The following VPS13A variants were observed in gnomAD, a reference collection of about 807,000 sequenced individuals.
VPS13A encodes vacuolar protein sorting 13 homolog A.
In VPS13A, 264 loss-of-function variants were observed where a neutral mutation model predicts 390.9. The ratio of observed to expected loss-of-function variants is 0.68; its 90% CI spans 0.61 to 0.75. The LOEUF is 0.75. Ranked by LOEUF, VPS13A falls within the 30% of genes least tolerant of loss-of-function variation. VPS13A has a pLI of 0.00. For missense variants in VPS13A, 3,409 were observed against 3,733.9 expected, an observed-to-expected ratio of 0.91 and a Z score of 2.27; for synonymous variants, 1,231 against 1,227.1, an observed-to-expected ratio of 1.00 and a Z score of -0.07.
intron 71 of VPS13A, among the ~76,000 whole-genome samples, chr9:77,412,688 C>G (rs922197243): frequency 6.6e-5 from 10 of 152,078 alleles, no homozygotes; most frequent in Non-Finnish European, 1.2e-4. Flanking sequence ...AAAACTGGCA[C>G]AAGACAGGGA....
intron 27 of VPS13A, among the ~76,000 whole-genome samples, chr9:77,280,922 A>G (rs889256734): frequency 6.6e-6 from 1 of 152,190 alleles, no homozygotes; most frequent in Admixed American, 6.5e-5. Flanking sequence ...AATGTGGTAT[A>G]TATACAAAAT....
intron 31 of VPS13A, among the ~76,000 whole-genome samples, chr9:77,285,608 C>G (rs572576397): frequency 6.6e-6 from 1 of 152,002 alleles, no homozygotes; most frequent in East Asian, 1.9e-4. Context: ...ACTTTTCTGG[C>G]CTTGTTATTA....
chr9:77,403,217 T>C lies in VPS13A; in HGVS notation c.9190-19T>C, dbSNP rs775142618. ...AAATACTATCAATTTTCTCATTGTC[T>C]CTCACTTTTTTCTTTTAGGTCATGG... is the stretch of plus-strand genomic sequence containing the variant. On this transcript the variant is annotated intron_variant, in intron 68 of 71. Transcript: ENST00000360280. 6.3e-7 allele frequency: 1 copy of C among 1,575,642 alleles called. No individual in the cohort carries two copies. The highest frequency in any genetic ancestry group is 8.7e-7 in the Non-Finnish European group (1 of 1,147,142).
intron 32 of VPS13A, among the ~76,000 whole-genome samples, chr9:77,294,176 C>G (rs1021296676): frequency 6.6e-6 from 1 of 152,124 alleles, no homozygotes. Context: ...CTGCTTTGGC[C>G]TCCCAAAGCG....
chr9:77,205,868 G>T (rs1825610703), intron 4 of VPS13A, 110 bp from the exon 5 acceptor site: 1 of 789,630 alleles, frequency 1.3e-6, no homozygotes, highest in Non-Finnish European at 2.0e-6. Context: ...GGGATTACAG[G>T]CATGAGCCAC....
chr9:77,203,966 G>A (rs913412734), intron 3 of VPS13A, among the ~76,000 whole-genome samples: 3 of 152,136 alleles, frequency 2.0e-5, no homozygotes, highest in Admixed American at 1.3e-4. Context: ...GAGGCAAGAG[G>A]ATTGCTTGAG....
intron 50 of VPS13A, among the ~76,000 whole-genome samples, chr9:77,341,084 T>A (rs1463496830): frequency 6.6e-6 from 1 of 152,162 alleles, no homozygotes; most frequent in Non-Finnish European, 1.5e-5. Flanking sequence ...GTTTTTGCTG[T>A]TTCTATTCAT....
intron 68 of VPS13A, among the ~76,000 whole-genome samples, chr9:77,397,866 T>C (rs1834183103): frequency 6.6e-6 from 1 of 152,164 alleles, no homozygotes; most frequent in Non-Finnish European, 1.5e-5. Flanking sequence ...TAAACTATGA[T>C]AGGTAATTTA....
chr9:77,407,352 A>G (rs922939691), intron 70 of VPS13A, among the ~76,000 whole-genome samples, 181 bp from the exon 71 acceptor site: 1 of 152,182 alleles, frequency 6.6e-6, no homozygotes, highest in Non-Finnish European at 1.5e-5. Flanking sequence ...TATTAATAGA[A>G]TGTAGTCTTT....
intron 5 of VPS13A, among the ~76,000 whole-genome samples, chr9:77,207,409 A>T (rs1825744433): frequency 6.7e-6 from 1 of 150,214 alleles, no homozygotes; most frequent in Non-Finnish European, 1.5e-5. Context: ...TATATTACAC[A>T]CACATCCTTT....
chr9:77,394,437 C>T (rs546377110), intron 68 of VPS13A, among the ~76,000 whole-genome samples: 1 of 152,216 alleles, frequency 6.6e-6, no homozygotes, highest in Admixed American at 6.5e-5. Flanking sequence ...GGCATGGCGG[C>T]AGCCACCTGT....
At chr9:77,296,616 A>G (rs561086931) in intron 33 of VPS13A, among the ~76,000 whole-genome samples, 1 of 152,196 alleles carries the variant, frequency 6.6e-6, no homozygotes, top group African/African-American at 2.4e-5. Flanking sequence ...GATCAATTGT[A>G]TATTTTTAAA....
intron 22 of VPS13A, among the ~76,000 whole-genome samples, chr9:77,255,175 T>C (rs926054043): frequency 2.6e-5 from 4 of 152,188 alleles, no homozygotes; most frequent in Admixed American, 6.5e-5. Flanking sequence ...CTTCTGTTCC[T>C]AGTTTGCTAA....
chr9:77,351,262 T>TA lies in VPS13A; in HGVS notation c.7290-53dup, dbSNP rs1831448988. ...ATGAAGTATTATTTTAGTTTTTTTT[T>TA]AATCTCTTCGTGTACTTGCATTTAA... On this transcript the variant is annotated intron_variant, in intron 52 of 71. Coordinates refer to ENST00000360280, the MANE Select transcript of VPS13A (RefSeq NM_033305.3). 1.9e-6 allele frequency: 3 copies of TA among 1,600,876 alleles called. No individual in the cohort carries two copies. In the East Asian group the frequency reaches 6.8e-5, roughly 36 times the overall value.
At chr9:77,224,498 G>T (rs894133371) in intron 13 of VPS13A, among the ~76,000 whole-genome samples, 2 of 152,132 alleles carry the variant, frequency 1.3e-5, no homozygotes, top group Admixed American at 6.6e-5. Context: ...AACCCTCATG[G>T]AAGACCTTGA....
chr9:77,272,996 A>G (rs983264145), intron 23 of VPS13A, among the ~76,000 whole-genome samples: 8 of 152,214 alleles, frequency 5.3e-5, no homozygotes, highest in African/African-American at 1.7e-4. Flanking sequence ...ATTTAATACT[A>G]TGTTGACTTA....
chr9:77,215,528 CAG>C (rs1326863387), intron 10 of VPS13A, among the ~76,000 whole-genome samples: 1 of 152,092 alleles, frequency 6.6e-6, no homozygotes, highest in Non-Finnish European at 1.5e-5. Flanking sequence ...TTTGTTGTAT[CAG>C]AGTTCAGTGA....
chr9:77,291,595 G>A (rs1827667611), intron 31 of VPS13A, among the ~76,000 whole-genome samples: 2 of 152,222 alleles, frequency 1.3e-5, no homozygotes, highest in East Asian at 3.9e-4. Context: ...GTGTTGCTCA[G>A]ATTTTGCTCC....
In VPS13A at chr9:77,282,269, A is replaced by C. The variant is rs935915316; in HGVS notation, c.3113A>C (p.Lys1038Thr). Residue 1038 changes from lysine to threonine, a missense_variant, in exon 29 of 72, where the codon AAA becomes ACA. Physicochemically the swap from Lys to Thr is moderately conservative, Grantham distance 78 (BLOSUM62 -1). Coordinates refer to ENST00000360280, the MANE Select transcript of VPS13A (RefSeq NM_033305.3). ...ETEDKGDVIK[K>T]LALKLSTNED... is the part of the protein sequence containing the mutation. Reference sequence around the variant, plus strand: ...GAAGACAAAGGAGATGTCATTAAAAAATTAGGTATGTTTTTTAAAAATTTA... The same window carrying C: ...GAAGACAAAGGAGATGTCATTAAAACATTAGGTATGTTTTTTAAAAATTTA... 6.2e-7 allele frequency: 1 copy of C among 1,612,328 alleles called. No individual in the cohort carries two copies. Among genetic ancestry groups the C allele is most frequent in the Non-Finnish European group, 8.5e-7 (1 of 1,179,484 alleles).
Sources: allele counts gnomAD v4.1 joint callset (sites outside exome capture counted in the v4.1 genomes callset), GRCh38; gene constraint gnomAD v4.1.1; transcripts MANE v1.5; gene names NCBI Gene and HGNC (gene_info 2026-07-23, HGNC 2026-07-21).